BEND4: variants seen among roughly 807,000 people sequenced by gnomAD.
BEND4 encodes BEN domain-containing protein 4.
Under a neutral mutation model 54.7 loss-of-function variants are expected in BEND4, and 27 were observed. That is an observed-to-expected ratio of 0.49 (90% confidence interval 0.36 to 0.68). The LOEUF (loss-of-function observed/expected upper bound fraction) is 0.68. BEND4 is among the 30% of genes least tolerant of loss of function. The probability of loss-of-function intolerance (pLI) is 0.00; values close to 1 mark genes in which losing one functional copy is unlikely to be tolerated. For missense variants in BEND4, 702 were observed against 697.2 expected, an observed-to-expected ratio of 1.01 and a Z score of -0.08; for synonymous variants, 327 against 299.5, an observed-to-expected ratio of 1.09 and a Z score of -0.95.
At position 42,151,809 on chromosome 4, in the gene BEND4, T is replaced by C; in HGVS notation, c.335A>G (p.His112Arg). Reference protein sequence around the residue: ...PSCTPATSQGHLRTPAQPPPA... With the variant: ...PSCTPATSQGRLRTPAQPPPA... ...CGGCGGCTGCGCCGGAGTCCTCAAGTGGCCCTGGGATGTGGCGGGCGTGCA... is the reference window on the plus strand; with the variant it reads ...CGGCGGCTGCGCCGGAGTCCTCAAGCGGCCCTGGGATGTGGCGGGCGTGCA... The change falls in exon 2 of 6, where the codon CAC becomes CGC. Residue 112 changes from histidine (H) to arginine (R), a missense_variant. By Grantham distance (29) the His-to-Arg change is conservative. Coordinates refer to ENST00000502486, the MANE Select transcript of BEND4 (RefSeq NM_207406.4). 6.8e-7 allele frequency: 1 copy of C among 1,473,004 alleles called. No homozygotes were observed. Among genetic ancestry groups the C allele is most frequent in the South Asian group, 1.3e-5 (1 of 76,954 alleles). The allele number at this position is 1,473,004 out of a possible 1,614,324, so 91.2% of individuals were successfully genotyped here. A position where few individuals can be genotyped will look rare whatever the true frequency, so the allele number is the denominator to read the frequency against.
rs748010739 is a variant in BEND4 at position 42,117,604 on chromosome 4, C to G, written c.1519G>C (p.Gly507Arg). 4 of 1,613,210 alleles carry G rather than the reference C, an allele frequency of 2.5e-6. No individual in the cohort carries two copies. The highest frequency in any genetic ancestry group is 3.4e-6 in the Non-Finnish European group (4 of 1,179,604). ...TCGATCCCTTCATAAAATGAGCCAC[C>G]GTTGTGCAGGAAAGTCCCCACCGCC... Reference protein sequence around the residue: ...GRAVGTFLHNGGSFYEGIDHQ... With the variant: ...GRAVGTFLHNRGSFYEGIDHQ... The change falls in exon 6 of 6, where the codon GGT becomes CGT. Residue 507 changes from glycine (G) to arginine (R), a missense_variant. Gly to Arg is a moderately radical substitution (Grantham distance 125). Coordinates refer to ENST00000502486, the MANE Select transcript of BEND4 (RefSeq NM_207406.4).
chr4:42,148,060 C>G (rs1472634004), intron 2 of BEND4, among the ~76,000 whole-genome samples: 1 of 152,020 alleles, frequency 6.6e-6, no homozygotes, highest in African/African-American at 2.4e-5. Flanking sequence ...TTTTTAGTGA[C>G]CTACTATCAT....
chr4:42,134,110 G>C (rs1720608434), intron 3 of BEND4, among the ~76,000 whole-genome samples: 1 of 152,160 alleles, frequency 6.6e-6, no homozygotes, highest in Non-Finnish European at 1.5e-5. Flanking sequence ...TTTCCTTGGG[G>C]GAAACTGCTC....
chr4:42,123,706 A>AC, intron 4 of BEND4, among the ~76,000 whole-genome samples: 1 of 142,948 alleles, frequency 7.0e-6, no homozygotes, highest in South Asian at 2.2e-4. Flanking sequence ...AAAAAAAAAA[A>AC]AAAAAAAAAA....
At chr4:42,137,183 T>A (rs1319491282) in intron 3 of BEND4, among the ~76,000 whole-genome samples, 1 of 152,196 alleles carries the variant, frequency 6.6e-6, no homozygotes, top group Non-Finnish European at 1.5e-5. Flanking sequence ...TATTAATATT[T>A]GCTGTGGCCC....
At chr4:42,131,067 G>A (rs1331622281) in intron 3 of BEND4, among the ~76,000 whole-genome samples, 1 of 152,154 alleles carries the variant, frequency 6.6e-6, no homozygotes, top group Admixed American at 6.5e-5. Flanking sequence ...GGCCTATTGG[G>A]GAGGGGGGGC....
At chr4:42,144,156 T>TA in intron 2 of BEND4, 162 bp from the exon 3 acceptor site, 1 of 669,272 alleles carries the variant, frequency 1.5e-6, no homozygotes, top group Non-Finnish European at 2.6e-6. Context: ...ATAGAACGCA[T>TA]AGCTTCCTGT....
At position 42,125,684 on chromosome 4, in the gene BEND4, A is replaced by G. The variant is rs762383847; in HGVS notation, c.1055-10T>C. On this transcript the variant is annotated splice_polypyrimidine_tract_variant and intron_variant, in intron 3 of 5. Coordinates refer to ENST00000502486, the MANE Select transcript of BEND4 (RefSeq NM_207406.4). ...ACGGTCTGGCAGGGCACTGGGTGGA[A>G]GAAATGGCAACAATTACACATTGGC... The G allele has an allele frequency of 5.1e-6, 8 of 1,565,308 alleles. No individual in the cohort carries two copies. In the South Asian group the frequency reaches 8.1e-5, roughly 16 times the overall value.
chr4:42,111,586 T>C lies in BEND4; in HGVS notation c.*5932A>G, dbSNP rs1354840788. Reference sequence around the variant, plus strand: ...TTGAACTTAAACACAGCCAAAGGGATGTGAAAGCCAAAACTACAGGAAAAA... The same window carrying C: ...TTGAACTTAAACACAGCCAAAGGGACGTGAAAGCCAAAACTACAGGAAAAA... On this transcript the variant is annotated 3_prime_UTR_variant, in exon 6 of 6. Transcript: ENST00000502486. The C allele has an allele frequency of 1.3e-5, 2 of 152,188 alleles. No individual in the cohort carries two copies. Among genetic ancestry groups the C allele is most frequent in the African/African-American group, 2.4e-5 (1 of 41,438 alleles). The allele number at this position is 152,188 out of a possible 1,614,324, so 9.4% of individuals were successfully genotyped here.
At chr4:42,151,475 C>G (rs1721279194) in intron 2 of BEND4, 182 bp downstream of exon 2, 3 of 528,850 alleles carry the variant, frequency 5.7e-6, no homozygotes, top group East Asian at 7.4e-5. Flanking sequence ...GAAGCCCAGG[C>G]GCGGCGGCGC....
chr4:42,141,693 A>C (rs1160783153), intron 3 of BEND4, among the ~76,000 whole-genome samples: 2 of 152,204 alleles, frequency 1.3e-5, no homozygotes, highest in African/African-American at 4.8e-5. Flanking sequence ...GTGAGCCAAG[A>C]CGGCACCACT....
chr4:42,117,640 G>T lies in BEND4; in HGVS notation c.1483C>A (p.Arg495=). Residue 495 remains arginine, a synonymous_variant, in exon 6 of 6, where the codon CGA becomes AGA. Transcript: ENST00000502486. ...KVFSDAVGHA[R]QGRAVGTFLH... ...AAAGTCCCCACCGCCCGCCCCTGTC[G>T]GGCGTGACCGACAGCGTCGCTGAAC... 1 of 1,612,204 alleles carries T rather than the reference G, an allele frequency of 6.2e-7. No individual in the cohort carries two copies. The highest frequency in any genetic ancestry group is 8.5e-7 in the Non-Finnish European group (1 of 1,179,140).
At chr4:42,120,547 T>G (rs1560575042) in intron 4 of BEND4, among the ~76,000 whole-genome samples, 2 of 152,210 alleles carry the variant, frequency 1.3e-5, no homozygotes, top group African/African-American at 2.4e-5. Flanking sequence ...AACTTACATT[T>G]TAACAGGTAG....
chr4:42,152,197 G>A lies in BEND4; in HGVS notation c.-54C>T, dbSNP rs1165325658. On this transcript the variant is annotated 5_prime_UTR_variant, in exon 2 of 6. Coordinates refer to ENST00000502486, the MANE Select transcript of BEND4 (RefSeq NM_207406.4). ...CACGTCCCCTCCCCGCCGGGCGCCG[G>A]GCTCCGAGGGTGCCTCCGCCGCCTG... 1 of 1,233,564 alleles carries A rather than the reference G, an allele frequency of 8.1e-7. No individual in the cohort carries two copies. The highest frequency in any genetic ancestry group is 1.0e-6 in the Non-Finnish European group (1 of 981,620). 76.4% of individuals were successfully genotyped at this position (1,233,564 alleles called of 1,614,324 possible).
intron 2 of BEND4, among the ~76,000 whole-genome samples, chr4:42,147,720 G>T (rs1423586046): frequency 6.6e-6 from 1 of 151,988 alleles, no homozygotes; most frequent in Non-Finnish European, 1.5e-5. Flanking sequence ...ATTGTGCCTT[G>T]TCCGATTCCA....
At chr4:42,146,504 AT>A (rs1445486445) in intron 2 of BEND4, among the ~76,000 whole-genome samples, 6 of 152,226 alleles carry the variant, frequency 3.9e-5, no homozygotes, top group Admixed American at 3.9e-4. Context: ...TTTGGGTGCC[AT>A]TTATTTACAA....
chr4:42,118,190 G>A (rs550790945), intron 5 of BEND4, among the ~76,000 whole-genome samples: 1 of 152,240 alleles, frequency 6.6e-6, no homozygotes, highest in African/African-American at 2.4e-5. Flanking sequence ...TAAAATAACA[G>A]TCTTAATGAC....
intron 3 of BEND4, among the ~76,000 whole-genome samples, chr4:42,140,382 C>A (rs1720841035): frequency 6.6e-6 from 1 of 152,132 alleles, no homozygotes; most frequent in Admixed American, 6.5e-5. Context: ...GGCTTTTCAT[C>A]CATATTGTTG....
intron 2 of BEND4, among the ~76,000 whole-genome samples, chr4:42,146,350 T>G (rs1721080984): frequency 6.6e-6 from 1 of 152,232 alleles, no homozygotes; most frequent in African/African-American, 2.4e-5. Context: ...CCAAACCTGG[T>G]TACTGTGAAG....
Sources: gnomAD v4.1 joint callset for allele counts (sites outside exome capture counted in the v4.1 genomes callset) on GRCh38, gnomAD v4.1.1 for gene constraint, MANE v1.5 for transcripts, NCBI Gene and HGNC (gene_info 2026-07-23, HGNC 2026-07-21) for gene names.